The following QTGAL variants were observed in gnomAD, a reference collection of about 807,000 sequenced individuals.
QTGAL encodes BGnT-like protein 1.
the QTGAL span, among the ~76,000 whole-genome samples, chr17:83,021,718 T>G: frequency 0.68 from 102,682 of 152,038 alleles, 35,089 homozygotes; most frequent in African/African-American, 0.77. Flanking sequence ...TTGAGAGCGG[T>G]AAGAACAAAG....
chr17:82,957,910 T>C, the QTGAL span, among the ~76,000 whole-genome samples: 1 of 152,134 alleles, frequency 6.6e-6, no homozygotes. Flanking sequence ...TCAGGGTCGC[T>C]GCCCCGAACC....
At chr17:83,017,808 GT>G in the QTGAL span, among the ~76,000 whole-genome samples, 11 of 151,912 alleles carry the variant, frequency 7.2e-5, no homozygotes, top group Admixed American at 7.2e-4. Context: ...CATGAACACC[GT>G]GCGCCTGTAT....
the QTGAL span, among the ~76,000 whole-genome samples, chr17:82,964,886 T>G: frequency 0.85 from 34,948 of 40,970 alleles, 14,950 homozygotes; most frequent in African/African-American, 0.94. Context: ...GGGGGGACGG[T>G]GACACGGACG....
chr17:83,047,480 A>G, the QTGAL span, among the ~76,000 whole-genome samples: 1 of 144,324 alleles, frequency 6.9e-6, no homozygotes, highest in Non-Finnish European at 1.5e-5. Flanking sequence ...TTAGGTCTAT[A>G]ATAAATCCCT....
At chr17:83,002,489 A>G in the QTGAL span, among the ~76,000 whole-genome samples, 2 of 152,224 alleles carry the variant, frequency 1.3e-5, no homozygotes, top group South Asian at 4.1e-4. Context: ...CACAGTGTGC[A>G]GCCTAGTCAC....
chr17:83,027,152 G>T, the QTGAL span, among the ~76,000 whole-genome samples: 2 of 134,638 alleles, frequency 1.5e-5, no homozygotes, highest in Admixed American at 7.2e-5. Context: ...ACACACGGAG[G>T]GGGGCAGGGA....
chr17:82,954,475 T>TC, the QTGAL span, among the ~76,000 whole-genome samples: 167 of 151,760 alleles, frequency 1.1e-3, 5 homozygotes, highest in Non-Finnish European at 3.1e-4. Context: ...AAACCACTGC[T>TC]CAGGGAAGTA....
the QTGAL span, among the ~76,000 whole-genome samples, chr17:82,964,277 G>A: frequency 3.9e-3 from 470 of 119,700 alleles, no homozygotes; most frequent in Non-Finnish European, 6.3e-3. Flanking sequence ...AAAAAAAAAG[G>A]AACAAAATAT....
At chr17:82,958,422 C>T in the QTGAL span, among the ~76,000 whole-genome samples, 5 of 152,214 alleles carry the variant, frequency 3.3e-5, no homozygotes, top group African/African-American at 1.2e-4. Context: ...CAGACACAAC[C>T]AACACTGGCT....
chr17:82,948,145 G>A, the QTGAL span: 7 of 152,246 alleles, frequency 4.6e-5, no homozygotes, highest in African/African-American at 1.4e-4. Flanking sequence ...GAACCCTGAT[G>A]AGAAACACCG....
At chr17:82,969,546 G>A in the QTGAL span, among the ~76,000 whole-genome samples, 1 of 152,148 alleles carries the variant, frequency 6.6e-6, no homozygotes, top group Non-Finnish European at 1.5e-5. Flanking sequence ...TGGTGCACGC[G>A]CCAGTGGTCC....
the QTGAL span, chr17:82,957,645 C>G: frequency 8.7e-7 from 1 of 1,148,302 alleles, no homozygotes; most frequent in South Asian, 1.6e-5. Flanking sequence ...GTCCTACAGT[C>G]AGGCCACCTG....
the QTGAL span, among the ~76,000 whole-genome samples, chr17:82,974,047 G>A: frequency 6.6e-6 from 1 of 152,168 alleles, no homozygotes; most frequent in Non-Finnish European, 1.5e-5. Flanking sequence ...AGCACTCCAC[G>A]CTCCATGGGC....
chr17:82,998,506 T>C, the QTGAL span, among the ~76,000 whole-genome samples: 1,841 of 152,210 alleles, frequency 0.012, 42 homozygotes, highest in African/African-American at 0.042. Flanking sequence ...CCACCATGCC[T>C]GGCTAATTTT....
At chr17:82,962,997 G>C in the QTGAL span, among the ~76,000 whole-genome samples, 1 of 152,186 alleles carries the variant, frequency 6.6e-6, no homozygotes, top group Non-Finnish European at 1.5e-5. Context: ...GCCTCCAGGT[G>C]CCTGGACTGC....
chr17:82,946,569 A>AGTGCGTGTGTGTGTGTGTGTGT, the QTGAL span, among the ~76,000 whole-genome samples: 6 of 150,308 alleles, frequency 4.0e-5, no homozygotes, highest in African/African-American at 1.5e-4. Context: ...ACAGAACCCA[A>AGTGCGTGTGTGTGTGTGTGTGT]GTGTGTGTGT....
the QTGAL span, among the ~76,000 whole-genome samples, chr17:83,037,144 A>G: frequency 6.6e-6 from 1 of 152,000 alleles, no homozygotes; most frequent in African/African-American, 2.4e-5. The surrounding 1 kb of genome is among the most constrained non-coding windows in gnomAD (Gnocchi z 5.2). Context: ...AATCAAGACA[A>G]GCTGCAGAAA....
chr17:82,977,584 G>C, the QTGAL span, among the ~76,000 whole-genome samples: 1 of 152,140 alleles, frequency 6.6e-6, no homozygotes, highest in Non-Finnish European at 1.5e-5. Context: ...CAGGCTCTCC[G>C]GGGGGTCTGG....
chr17:82,982,525 G>A, the QTGAL span, among the ~76,000 whole-genome samples: 102,860 of 141,958 alleles, frequency 0.72, 35,066 homozygotes, highest in East Asian at 0.82. Flanking sequence ...GCCCACGAAA[G>A]GGCCTCACAG....
Sources: allele counts gnomAD v4.1 joint callset (sites outside exome capture counted in the v4.1 genomes callset), GRCh38; gene constraint gnomAD v4.1.1; non-coding constraint Gnocchi (gnomAD v3.1); transcripts MANE v1.5; gene names NCBI Gene and HGNC (gene_info 2026-07-23, HGNC 2026-07-21).